The following STT3A variants were observed in gnomAD, a reference collection of about 807,000 sequenced individuals.
STT3A encodes the protein dolichyl-diphosphooligosaccharide--protein glycosyltransferase subunit STT3A.
STT3A carries 34 observed loss-of-function variants against 89.2 expected under a neutral mutation model. That is an observed-to-expected ratio of 0.38 (90% CI 0.29 to 0.51). The LOEUF is 0.51. STT3A is among the 20% of genes least tolerant of loss of function. The pLI, the probability that STT3A is intolerant of heterozygous loss-of-function variation, is 0.89. For missense variants in STT3A, 555 were observed against 889.5 expected (o/e 0.62, Z 4.78); for synonymous variants, 282 against 310.3 (o/e 0.91, Z 0.96).
chr11:125,602,825 A>G lies in STT3A; in HGVS notation c.294A>G (p.Ala98=). The G allele has an allele frequency of 6.2e-7, 1 of 1,614,156 alleles. No homozygotes were observed. Among genetic ancestry groups the G allele is most frequent in the Non-Finnish European group, 8.5e-7 (1 of 1,180,026 alleles). ...CAGGTTTAATGATCACCTCTGCTGC[A>G]ATCTACCATGTACTCCATTTTTTCC... is the stretch of plus-strand genomic sequence containing the variant. ...IYPGLMITSA[A]IYHVLHFFHI... The change falls in exon 5 of 18, where the codon GCA becomes GCG. Residue 98 remains alanine, a synonymous_variant. Coordinates refer to ENST00000392708, the MANE Select transcript of STT3A (RefSeq NM_152713.5).
Position 125,621,115 on chromosome 11 carries a change from G to T in STT3A, c.*305G>T. On this transcript the variant is annotated 3_prime_UTR_variant, in exon 18 of 18. Transcript: ENST00000392708. ...CTGATTTGAGGGAGGCAAAAGCTAT[G>T]CTAGGCTGCCAGAAGGACATAAGCA... The T allele has an allele frequency of 3.8e-6, 1 of 262,570 alleles. No homozygotes were observed. Among genetic ancestry groups the T allele is most frequent in the Non-Finnish European group, 7.2e-6 (1 of 138,558 alleles). The allele number at this position is 262,570 out of a possible 1,614,324, so 16.3% of individuals were successfully genotyped here.
At chr11:125,618,175 T>A (rs1435522292) in intron 15 of STT3A, among the ~76,000 whole-genome samples, 198 bp from the exon 16 acceptor site, 1 of 152,214 alleles carries the variant, frequency 6.6e-6, no homozygotes, top group African/African-American at 2.4e-5. Flanking sequence ...TTCAGGAGTA[T>A]AATAATTTCT....
In STT3A at chr11:125,611,469, A is replaced by G; in HGVS notation, c.1159A>G (p.Ile387Val). Reference protein sequence around the residue: ...YCFSNLSDARIFIIMYGVTSM... With the variant: ...YCFSNLSDARVFIIMYGVTSM... Reference sequence around the variant, plus strand: ...CTTTAGCAACCTGTCTGATGCCCGGATTTTTATCATCATGTATGGTGTGAC... The same window carrying G: ...CTTTAGCAACCTGTCTGATGCCCGGGTTTTTATCATCATGTATGGTGTGAC... Residue 387 changes from isoleucine (I) to valine (V), a missense_variant, in exon 11 of 18, where the codon ATT becomes GTT. By Grantham distance (29) the Ile-to-Val change is conservative. Transcript: ENST00000392708. 1 of 1,613,816 alleles carries G rather than the reference A, an allele frequency of 6.2e-7. No homozygotes were observed.
In STT3A at chr11:125,618,368, C is replaced by A. The variant is rs201499246; in HGVS notation, c.1775-5C>A. 1 of 1,535,706 alleles carries A rather than the reference C, an allele frequency of 6.5e-7. No homozygotes were observed. Among genetic ancestry groups the A allele is most frequent in the Non-Finnish European group, 8.7e-7 (1 of 1,144,900 alleles). ...GCAGCAGTTCTTTTTTTTTTTTTCT[C>A]CTAGATATCAACAAGTTTCTTTGGA... On this transcript the variant is annotated splice_region_variant and splice_polypyrimidine_tract_variant and intron_variant, in intron 15 of 17. Transcript: ENST00000392708.
chr11:125,607,206 AC>A (rs1418484910), intron 8 of STT3A, among the ~76,000 whole-genome samples: 2 of 152,192 alleles, frequency 1.3e-5, no homozygotes, highest in Non-Finnish European at 2.9e-5. Flanking sequence ...ATTTTGCCCA[AC>A]TGTAGGCTAA....
upstream of STT3A, chr11:125,592,535 C>T (rs1939331988): frequency 1.8e-5 from 8 of 452,840 alleles, no homozygotes; most frequent in Non-Finnish European, 3.5e-5. Context: ...TGGGCCGCGC[C>T]TTCCCACTGC....
At chr11:125,620,633 G>A in intron 17 of STT3A, 139 bp from the exon 18 acceptor site, 2 of 709,402 alleles carry the variant, frequency 2.8e-6, no homozygotes, top group Middle Eastern at 2.7e-4. Context: ...TCTCTAGTCA[G>A]TGCTTGTGTA....
intron 9 of STT3A, 194 bp downstream of exon 9, chr11:125,608,483 C>T (rs1406238800): frequency 2.0e-5 from 9 of 452,756 alleles, no homozygotes; most frequent in East Asian, 1.7e-4. Context: ...CCCGCCACCA[C>T]GCCCAGCCAA....
intron 4 of STT3A, 28 bp downstream of exon 4, chr11:125,602,452 TTA>T (rs1565344333): frequency 9.9e-6 from 15 of 1,513,586 alleles, no homozygotes; most frequent in Middle Eastern, 1.8e-4. Context: ...GTTTTTTTTT[TTA>T]AAAAAAAAAC....
chr11:125,605,878 T>TA (rs1236772971), intron 7 of STT3A, 143 bp downstream of exon 7: 3 of 635,118 alleles, frequency 4.7e-6, no homozygotes, highest in South Asian at 4.1e-5. Flanking sequence ...TGTTCATACT[T>TA]ACGTATACAT....
At position 125,622,216 on chromosome 11, in the gene STT3A, G is replaced by C. The variant is rs1461468120; in HGVS notation, c.*1406G>C. 6.6e-6 allele frequency: 1 copy of C among 152,188 alleles called. No homozygotes were observed. Among genetic ancestry groups the C allele is most frequent in the African/African-American group, 2.4e-5 (1 of 41,450 alleles). The allele number at this position is 152,188 out of a possible 1,614,324, so 9.4% of individuals were successfully genotyped here. On this transcript the variant is annotated 3_prime_UTR_variant, in exon 18 of 18. Transcript: ENST00000392708. ...TAACTTTTAGATTAGTCATAGTGGT[G>C]CTCCTAAGGGATATGCTGTTGTATA... is the stretch of plus-strand genomic sequence containing the variant.
At chr11:125,594,085 C>CA (rs376752600) in intron 1 of STT3A, among the ~76,000 whole-genome samples, 1 of 151,414 alleles carries the variant, frequency 6.6e-6, no homozygotes, top group Non-Finnish European at 1.5e-5. Flanking sequence ...ATTCCTAAGA[C>CA]AAAAAAAATA....
chr11:125,619,991 T>A lies in STT3A; in HGVS notation c.1964-20T>A. The A allele has an allele frequency of 6.2e-7, 1 of 1,604,094 alleles. No homozygotes were observed. Among genetic ancestry groups the A allele is most frequent in the Non-Finnish European group, 8.5e-7 (1 of 1,171,740 alleles). On this transcript the variant is annotated intron_variant, in intron 16 of 17. Transcript: ENST00000392708. ...ATTAGCACTGTAGAAAGAAGTGTGT[T>A]CTTTTTCATCCCTCTCTAGAGCGTC...
At chr11:125,606,131 C>T in intron 7 of STT3A, 170 bp from the exon 8 acceptor site, 15 of 596,932 alleles carry the variant, frequency 2.5e-5, no homozygotes, top group South Asian at 1.3e-4. Flanking sequence ...CTTGATTTTC[C>T]TGTTTAAAAA....
intron 10 of STT3A, 40 bp from the exon 11 acceptor site, chr11:125,611,388 A>G: frequency 2.6e-6 from 4 of 1,543,716 alleles, no homozygotes; most frequent in Non-Finnish European, 3.6e-6. Context: ...GTTTCAACCT[A>G]CAGGACTCAG....
chr11:125,614,890 T>C lies in STT3A; in HGVS notation c.1774+464T>C, dbSNP rs994863397. 7.9e-5 allele frequency among the ~76,000 whole-genome samples: 12 copies of C among 152,184 alleles called. No individual in the cohort carries two copies. Among genetic ancestry groups the C allele is most frequent in the East Asian group, 5.8e-4 (3 of 5,184 alleles). ...AAAATGGAGGTTACCATGTGCCCTATGATTATTGGCACAAAGATTTTTAGA... is the reference window on the plus strand; with the variant it reads ...AAAATGGAGGTTACCATGTGCCCTACGATTATTGGCACAAAGATTTTTAGA... On this transcript the variant is annotated intron_variant, in intron 15 of 17. Coordinates refer to ENST00000392708, the MANE Select transcript of STT3A (RefSeq NM_152713.5). This position sits in a 1 kb window ranked among gnomAD's most constrained non-coding sequence, Gnocchi z 4.9.
Position 125,596,021 on chromosome 11 carries a change from CCT to C in STT3A, c.88+23_88+24del. The C allele has an allele frequency of 1.3e-6, 2 of 1,567,114 alleles. No individual in the cohort carries two copies. Among genetic ancestry groups the C allele is most frequent in the Non-Finnish European group, 8.7e-7 (1 of 1,147,226 alleles). The stretch of plus-strand genomic sequence containing the variant: ...TGTATTATGTGAGTGTGCATGTGAA[CCT>C]CTCTTTCTTTGGGGATAGAAAGAAG... On this transcript the variant is annotated intron_variant, in intron 2 of 17. Coordinates refer to ENST00000392708, the MANE Select transcript of STT3A (RefSeq NM_152713.5).
chr11:125,612,494 A>G (rs1940056454), intron 11 of STT3A, 98 bp from the exon 12 acceptor site: 2 of 1,380,302 alleles, frequency 1.4e-6, no homozygotes, highest in African/African-American at 1.4e-5. Flanking sequence ...GTCATGTTTG[A>G]TGAAAACCCC....
In STT3A at chr11:125,605,578, G is replaced by T; in HGVS notation, c.509-51G>T. The T allele has an allele frequency of 3.7e-6, 5 of 1,365,004 alleles. No individual in the cohort carries two copies. In the South Asian group the frequency reaches 6.1e-5, roughly 17 times the overall value. 84.6% of individuals were successfully genotyped at this position (1,365,004 alleles called of 1,614,324 possible). A position where few individuals can be genotyped will look rare whatever the true frequency, so the allele number is the denominator to read the frequency against. On this transcript the variant is annotated intron_variant, in intron 6 of 17. Coordinates refer to ENST00000392708, the MANE Select transcript of STT3A (RefSeq NM_152713.5). The stretch of plus-strand genomic sequence containing the variant: ...TCTGTTCCAGAACAGTATTCTTAAT[G>T]ACTATACTAGCCTGGCCTCTTGTTG...
Sources: allele counts gnomAD v4.1 joint callset (sites outside exome capture counted in the v4.1 genomes callset), GRCh38; gene constraint gnomAD v4.1.1; non-coding constraint Gnocchi (gnomAD v3.1); transcripts MANE v1.5; gene names NCBI Gene and HGNC (gene_info 2026-07-23, HGNC 2026-07-21).